The following TOGARAM2 variants were observed in gnomAD, a reference collection of about 807,000 sequenced individuals.
The protein encoded by TOGARAM2 is TOG array regulator of axonemal microtubules protein 2.
TOGARAM2 carries 85 observed loss-of-function variants against 93.3 expected under a neutral mutation model. The ratio of observed to expected loss-of-function variants is 0.91; its 90% CI spans 0.76 to 1.09. The LOEUF (loss-of-function observed/expected upper bound fraction) is 1.09, where lower values mean the gene tolerates loss of function less well. Among genes scored for constraint, TOGARAM2 ranks in the 50% least tolerant of loss-of-function variants. The probability of loss-of-function intolerance (pLI) is 0.00; values close to 1 mark genes in which losing one functional copy is unlikely to be tolerated. For synonymous variants in TOGARAM2, 593 were observed against 552.8 expected (o/e 1.07, Z -1.02); for missense variants, 1,277 against 1,334.5 (o/e 0.96, Z 0.67).
At chr2:28,983,923 A>G (rs1672343836) in intron 1 of TOGARAM2, among the ~76,000 whole-genome samples, 1 of 151,644 alleles carries the variant, frequency 6.6e-6, no homozygotes, top group South Asian at 2.1e-4. Flanking sequence ...GCCCCCAGCC[A>G]TTCTTCCTCA....
At chr2:29,010,968 C>A (rs72788127) in intron 6 of TOGARAM2, among the ~76,000 whole-genome samples, 1 of 152,040 alleles carries the variant, frequency 6.6e-6, no homozygotes, top group Non-Finnish European at 1.5e-5. Flanking sequence ...ATCAGCTCCG[C>A]CCCCCAGGCC....
chr2:29,015,845 C>T (rs1266567797), intron 8 of TOGARAM2, among the ~76,000 whole-genome samples: 5 of 152,102 alleles, frequency 3.3e-5, no homozygotes, highest in African/African-American at 4.8e-5. Context: ...CTCATCTCCC[C>T]GGCCTCTGGA....
At chr2:29,035,686 C>A (rs748091304) in intron 17 of TOGARAM2, 30 bp downstream of exon 17, 63 of 1,359,940 alleles carry the variant, frequency 4.6e-5, no homozygotes, top group South Asian at 3.3e-4. Flanking sequence ...ACTCTCCCAC[C>A]TGTCTCTCCT....
chr2:29,001,468 T>C (rs942953269), intron 4 of TOGARAM2, among the ~76,000 whole-genome samples: 2 of 151,800 alleles, frequency 1.3e-5, no homozygotes, highest in Non-Finnish European at 2.9e-5. Flanking sequence ...CCTGAGTTGC[T>C]GGGATTACAG....
intron 18 of TOGARAM2, among the ~76,000 whole-genome samples, chr2:29,039,729 C>T (rs937100495): frequency 2.6e-5 from 4 of 152,188 alleles, no homozygotes; most frequent in African/African-American, 9.7e-5. Context: ...GATTGGGGCT[C>T]AAGTGGCATT....
At chr2:29,024,414 G>A (rs755288312) in intron 13 of TOGARAM2, 40 bp downstream of exon 13, 7 of 1,554,692 alleles carry the variant, frequency 4.5e-6, no homozygotes, top group Non-Finnish European at 6.1e-6. Context: ...GGGAAGTCAG[G>A]GAAGGTAAGG....
Position 29,008,029 on chromosome 2 carries a change from C to T in TOGARAM2, c.831-3426C>T, listed in dbSNP as rs548311630. Among the ~76,000 whole-genome samples the T allele has an allele frequency of 9.2e-5, 14 of 152,050 alleles. No individual in the cohort carries two copies. The South Asian group carries it at 2.9e-3, about 32-fold the overall frequency. ...GGGAAGTGGTCTTCTCTGCATTGTCCACAGGCATCCAGCCCAGGGACTGCC... is the reference window on the plus strand; with the variant it reads ...GGGAAGTGGTCTTCTCTGCATTGTCTACAGGCATCCAGCCCAGGGACTGCC... On this transcript the variant is annotated intron_variant, in intron 6 of 19. Transcript: ENST00000379558.
chr2:29,004,586 G>A (rs1424940765), intron 6 of TOGARAM2, among the ~76,000 whole-genome samples: 1 of 152,218 alleles, frequency 6.6e-6, no homozygotes, highest in Non-Finnish European at 1.5e-5. Context: ...GTGTGTCTGA[G>A]TGTCTTTGTG....
chr2:28,976,706 A>G (rs897043706), upstream of TOGARAM2, among the ~76,000 whole-genome samples: 3 of 152,246 alleles, frequency 2.0e-5, no homozygotes, highest in Admixed American at 1.3e-4. Flanking sequence ...ATCATCTGCG[A>G]TAAGAGGGGC....
upstream of TOGARAM2, among the ~76,000 whole-genome samples, chr2:28,977,657 G>A (rs984317247): frequency 2.6e-5 from 4 of 152,152 alleles, no homozygotes; most frequent in African/African-American, 9.7e-5. Flanking sequence ...CCTGGCTGGC[G>A]CTGGTTCCAG....
At chr2:29,044,370 C>A (rs752158646) in intron 18 of TOGARAM2, among the ~76,000 whole-genome samples, 7 of 152,164 alleles carry the variant, frequency 4.6e-5, no homozygotes, top group Non-Finnish European at 1.0e-4. Flanking sequence ...CAGGCCAGGG[C>A]AGTGAGGTCA....
At chr2:28,981,074 C>G (rs1558398527), upstream of TOGARAM2, among the ~76,000 whole-genome samples, 1 of 152,210 alleles carries the variant, frequency 6.6e-6, no homozygotes, top group African/African-American at 2.4e-5. Flanking sequence ...ATCCCTGCAC[C>G]AAGCCAGCTA....
intron 13 of TOGARAM2, among the ~76,000 whole-genome samples, chr2:29,026,127 G>C (rs1371234087): frequency 6.6e-6 from 1 of 152,182 alleles, no homozygotes; most frequent in Non-Finnish European, 1.5e-5. Context: ...TCAGCAAGGA[G>C]TCCTTACTCC....
chr2:29,035,241 C>G (rs746414010), intron 16 of TOGARAM2, among the ~76,000 whole-genome samples: 2 of 151,760 alleles, frequency 1.3e-5, no homozygotes, highest in African/African-American at 2.4e-5. Flanking sequence ...TACATATCTT[C>G]TGAAAAGAGA....
At chr2:29,012,690 T>C (rs973469064) in intron 7 of TOGARAM2, among the ~76,000 whole-genome samples, 10 of 152,272 alleles carry the variant, frequency 6.6e-5, no homozygotes, top group Non-Finnish European at 1.5e-4. Context: ...TAAAAAATAG[T>C]TAAGTCCTTA....
intron 1 of TOGARAM2, among the ~76,000 whole-genome samples, chr2:28,990,555 T>C (rs925654607): frequency 7.9e-5 from 12 of 152,210 alleles, no homozygotes; most frequent in African/African-American, 2.9e-4. Context: ...CTCCTCGGCC[T>C]GGAATGCCAT....
intron 16 of TOGARAM2, among the ~76,000 whole-genome samples, chr2:29,034,342 C>T (rs1426726412): frequency 6.6e-6 from 1 of 152,238 alleles, no homozygotes; most frequent in Non-Finnish European, 1.5e-5. Context: ...GTCACTTTCT[C>T]CAGGAAGCTC....
intron 18 of TOGARAM2, among the ~76,000 whole-genome samples, chr2:29,042,786 ACT>A (rs1220544827): frequency 6.6e-6 from 1 of 151,862 alleles, no homozygotes; most frequent in Admixed American, 6.6e-5. Flanking sequence ...CAGTAGCTTC[ACT>A]CTCTCTCTGG....
chr2:29,050,989 G>A (rs1010420171), intron 19 of TOGARAM2: 1 of 152,338 alleles, frequency 6.6e-6, no homozygotes, highest in Admixed American at 6.5e-5. Flanking sequence ...CACTGGAATG[G>A]TCTGTGCAGA....
Sources: gnomAD v4.1 joint callset for allele counts (sites outside exome capture counted in the v4.1 genomes callset) on GRCh38, gnomAD v4.1.1 for gene constraint, MANE v1.5 for transcripts, NCBI Gene and HGNC (gene_info 2026-07-23, HGNC 2026-07-21) for gene names.